Variants in ASB11 observed in about 807,000 individuals in gnomAD.
The protein encoded by ASB11 is ankyrin repeat and SOCS box containing 11.
In ASB11, 17 loss-of-function variants were observed where a neutral mutation model predicts 20.1. That is an observed-to-expected ratio of 0.85 (90% confidence interval 0.58 to 1.27). The LOEUF is 1.27. Among genes scored for constraint, ASB11 ranks in the 50% most tolerant of loss-of-function variants. The pLI, the probability that ASB11 is intolerant of heterozygous loss-of-function variation, is 0.00. For synonymous variants in ASB11, 107 were observed against 105.6 expected, an observed-to-expected ratio of 1.01 and a Z score of -0.08; for missense variants, 259 against 256.9, an observed-to-expected ratio of 1.01 and a Z score of -0.06.
chrX:15,306,561 G>A (rs965528616), intron 1 of ASB11, among the ~76,000 whole-genome samples: 4 of 110,021 alleles, frequency 3.6e-5, no homozygotes, highest in Non-Finnish European at 1.9e-5. Flanking sequence ...AAATTAGCCT[G>A]GCACGGTGGT....
chrX:15,289,731 T>C, intron 4 of ASB11, 93 bp from the exon 5 acceptor site: 2 of 1,042,602 alleles, frequency 1.9e-6, no homozygotes, highest in Middle Eastern at 2.8e-4. Flanking sequence ...GCTTTAGAAA[T>C]AACCTAGGTT....
At chrX:15,291,273 T>C (rs949556772) in intron 4 of ASB11, among the ~76,000 whole-genome samples, 36 of 111,745 alleles carry the variant, frequency 3.2e-4, no homozygotes, top group Non-Finnish European at 4.1e-4. Context: ...TATAGGCACA[T>C]AGATACCAAA....
At chrX:15,285,864 G>A (rs761678439) in intron 6 of ASB11, among the ~76,000 whole-genome samples, 16 of 110,690 alleles carry the variant, frequency 1.4e-4, no homozygotes, top group East Asian at 8.6e-4. Context: ...AATTAGCTGG[G>A]CGTGGTGGCA....
chrX:15,285,726 A>G (rs1174458009), intron 6 of ASB11, among the ~76,000 whole-genome samples: 2 of 110,624 alleles, frequency 1.8e-5, no homozygotes, highest in African/African-American at 3.3e-5. Context: ...AATCCTGGCC[A>G]GGCGCGGTGG....
intron 3 of ASB11, among the ~76,000 whole-genome samples, chrX:15,294,659 C>T (rs1461785017): frequency 8.9e-6 from 1 of 112,502 alleles, no homozygotes; most frequent in African/African-American, 3.2e-5. Flanking sequence ...GTGTGAGCCA[C>T]CACACCCAGC....
intron 6 of ASB11, among the ~76,000 whole-genome samples, chrX:15,284,012 G>C (rs1351964504): frequency 5.4e-5 from 6 of 110,269 alleles, no homozygotes; most frequent in African/African-American, 1.0e-4. Flanking sequence ...CAGCACTTTG[G>C]GAGGCCAAGG....
chrX:15,305,597 T>TTAGA (rs74919898), intron 1 of ASB11, among the ~76,000 whole-genome samples: 34,547 of 98,317 alleles, frequency 0.35, 5,077 homozygotes, highest in Non-Finnish European at 0.36. Context: ...AAAAAAAAGA[T>TTAGA]TAGATAGATA....
chrX:15,285,140 C>CTTTTTTT (rs767822616), intron 6 of ASB11, among the ~76,000 whole-genome samples: 2 of 81,565 alleles, frequency 2.5e-5, no homozygotes, highest in Non-Finnish European at 4.8e-5. Context: ...TTTAATCTTT[C>CTTTTTTT]TTTTTTTTTT....
intron 2 of ASB11, among the ~76,000 whole-genome samples, chrX:15,299,175 T>C (rs1920999611): frequency 8.9e-6 from 1 of 112,331 alleles, no homozygotes; most frequent in Admixed American, 9.5e-5. Flanking sequence ...TTTGAAGAGA[T>C]TTATTCTGAG....
Position 15,289,506 on chromosome X carries a change from A to C in ASB11, c.653T>G (p.Leu218Ter). 8.4e-7 allele frequency: 1 copy of C among 1,189,790 alleles called. No individual in the cohort carries two copies. ...RVDCVKKLLE[L>*]GASVDHGQWL... is the part of the protein sequence containing the mutation. Reference sequence around the variant, plus strand: ...ATGAAAATAATTTTGGAAATTACCTAATTCTAGAAGTTTCTTCACACAGTC... The same window carrying C: ...ATGAAAATAATTTTGGAAATTACCTCATTCTAGAAGTTTCTTCACACAGTC... The change falls in exon 5 of 7, where the codon TTA becomes TGA. Residue 218 changes from leucine (L) to a stop codon, truncating the protein, a stop_gained and splice_region_variant. Transcript: ENST00000480796. LOFTEE classifies it high-confidence loss of function.
At chrX:15,295,480 A>G (rs768826979) in intron 3 of ASB11, among the ~76,000 whole-genome samples, 2 of 112,370 alleles carry the variant, frequency 1.8e-5, no homozygotes, top group East Asian at 5.6e-4. Flanking sequence ...GATGAAAGAA[A>G]TAAGATGACT....
intron 1 of ASB11, among the ~76,000 whole-genome samples, chrX:15,307,622 G>A (rs999842988): frequency 8.9e-6 from 1 of 111,957 alleles, no homozygotes; most frequent in African/African-American, 3.2e-5. Context: ...GCCATGGACT[G>A]GTACTGGTCT....
chrX:15,297,319 A>AG (rs1920975902), intron 3 of ASB11, among the ~76,000 whole-genome samples: 1 of 111,885 alleles, frequency 8.9e-6, no homozygotes, highest in Non-Finnish European at 1.9e-5. Context: ...CAAAAAAAAA[A>AG]CATGGTACAA....
intron 3 of ASB11, among the ~76,000 whole-genome samples, chrX:15,295,048 A>AT (rs765939357): frequency 9.0e-6 from 1 of 110,915 alleles, no homozygotes; most frequent in African/African-American, 3.3e-5. Context: ...ATTTTTTTTA[A>AT]TTTTTTTATT....
At chrX:15,305,555 G>A (rs973766714) in intron 1 of ASB11, among the ~76,000 whole-genome samples, 17 of 108,389 alleles carry the variant, frequency 1.6e-4, no homozygotes, top group South Asian at 8.0e-4. Context: ...CTTTTCTGTC[G>A]GCTGAAATTA....
chrX:15,300,169 T>TA (rs1430868595), intron 2 of ASB11, among the ~76,000 whole-genome samples: 7 of 112,429 alleles, frequency 6.2e-5, no homozygotes, highest in African/African-American at 1.3e-4. Context: ...AAAAAACTGT[T>TA]ACGGTGCAAA....
intron 3 of ASB11, 60 bp from the exon 4 acceptor site, chrX:15,293,380 T>C: frequency 8.9e-7 from 1 of 1,120,339 alleles, no homozygotes; most frequent in Non-Finnish European, 1.2e-6. Flanking sequence ...CATCTCCAAG[T>C]ATGTCTTCCT....
chrX:15,297,384 T>C (rs1467346708), intron 3 of ASB11, among the ~76,000 whole-genome samples, 190 bp downstream of exon 3: 2 of 111,816 alleles, frequency 1.8e-5, no homozygotes, highest in Non-Finnish European at 3.8e-5. Flanking sequence ...TGAGTTGCCA[T>C]GTCTGAATAT....
intron 1 of ASB11, among the ~76,000 whole-genome samples, chrX:15,309,047 G>C (rs913873008): frequency 1.8e-5 from 2 of 111,341 alleles, no homozygotes; most frequent in Non-Finnish European, 3.8e-5. Flanking sequence ...CTCCCGAGTA[G>C]CTGGGACTAC....
Sources: allele counts gnomAD v4.1 joint callset (sites outside exome capture counted in the v4.1 genomes callset), GRCh38; gene constraint gnomAD v4.1.1; transcripts MANE v1.5; gene names NCBI Gene and HGNC (gene_info 2026-07-23, HGNC 2026-07-21).